The following L3MBTL4 variants were observed in gnomAD, a reference collection of about 807,000 sequenced individuals.
The protein encoded by L3MBTL4 is L3MBTL histone methyl-lysine binding protein 4.
In L3MBTL4, 70 loss-of-function variants were observed where a neutral mutation model predicts 84.5. That is an observed-to-expected ratio of 0.83 (90% CI 0.68 to 1.01). The LOEUF is 1.01. Ranked by LOEUF, L3MBTL4 falls within the 50% of genes least tolerant of loss-of-function variation. The pLI is 0.00. For missense variants in L3MBTL4, 715 were observed against 754.8 expected, an observed-to-expected ratio of 0.95 and a Z score of 0.62; for synonymous variants, 274 against 259.8, an observed-to-expected ratio of 1.05 and a Z score of -0.52.
chr18:6,350,008 C>T (rs946915526), intron 1 of L3MBTL4, among the ~76,000 whole-genome samples: 1 of 152,180 alleles, frequency 6.6e-6, no homozygotes, highest in Non-Finnish European at 1.5e-5. Flanking sequence ...AAAAAGCTTA[C>T]TTAAGTTTGA....
chr18:6,198,901 AG>A, intron 12 of L3MBTL4, among the ~76,000 whole-genome samples: 1 of 152,352 alleles, frequency 6.6e-6, no homozygotes, highest in Non-Finnish European at 1.5e-5. Context: ...AATATATTTT[AG>A]GGTAGAAATA....
intron 15 of L3MBTL4, among the ~76,000 whole-genome samples, chr18:6,086,461 G>A (rs1321513859): frequency 6.6e-6 from 1 of 152,162 alleles, no homozygotes; most frequent in Non-Finnish European, 1.5e-5. Flanking sequence ...ATTTCATAAC[G>A]TTTCAGCATA....
Position 6,217,186 on chromosome 18 carries a change from T to C in L3MBTL4, c.785-1351A>G, listed in dbSNP as rs569794265. Among the ~76,000 whole-genome samples the C allele has an allele frequency of 2.0e-5, 3 of 152,280 alleles. No homozygotes were observed. In the South Asian group the frequency reaches 6.2e-4, roughly 32 times the overall value. On this transcript the variant is annotated intron_variant, in intron 10 of 18. Coordinates refer to ENST00000317931, the MANE Select transcript of L3MBTL4 (RefSeq NM_001330559.2). Reference sequence around the variant, plus strand: ...AATCAAGTGGATAGACTGAACATTTTTCAAAAAACTAGCATACCAGCATAA... The same window carrying C: ...AATCAAGTGGATAGACTGAACATTTCTCAAAAAACTAGCATACCAGCATAA...
intron 16 of L3MBTL4, among the ~76,000 whole-genome samples, chr18:5,989,684 G>A (rs1376370577): frequency 2.6e-5 from 4 of 152,204 alleles, no homozygotes; most frequent in African/African-American, 9.7e-5. Flanking sequence ...CAGAATTGGG[G>A]CAGGGAGGGA....
At chr18:6,170,015 G>T (rs1354079466) in intron 13 of L3MBTL4, among the ~76,000 whole-genome samples, 6 of 152,000 alleles carry the variant, frequency 3.9e-5, no homozygotes, top group Admixed American at 2.6e-4. Flanking sequence ...ATGCTACGGG[G>T]CAGGCAGTTT....
At chr18:6,285,627 G>T (rs949433882) in intron 4 of L3MBTL4, among the ~76,000 whole-genome samples, 68 of 151,842 alleles carry the variant, frequency 4.5e-4, no homozygotes, top group Admixed American at 5.3e-4. Flanking sequence ...CTCCAAAGAT[G>T]TAATTCCCTG....
At chr18:6,378,162 G>A (rs541683532) in intron 1 of L3MBTL4, among the ~76,000 whole-genome samples, 1 of 152,282 alleles carries the variant, frequency 6.6e-6, no homozygotes, top group Admixed American at 6.5e-5. Context: ...TTTGGATGGG[G>A]TTGTTTGTTT....
intron 5 of L3MBTL4, among the ~76,000 whole-genome samples, chr18:6,263,408 C>T (rs2048494631): frequency 6.6e-6 from 1 of 152,012 alleles, no homozygotes; most frequent in Admixed American, 6.6e-5. Flanking sequence ...TAAAGATGAT[C>T]CCCTGTAAGG....
Position 6,018,491 on chromosome 18 carries a change from C to T in L3MBTL4, c.1445-48929G>A, listed in dbSNP as rs1598447417. The stretch of plus-strand genomic sequence containing the variant: ...CTACCCACGGAAAGCCTGGTAGATT[C>T]TAGAATGGCCATTACCACTGACCAT... On this transcript the variant is annotated intron_variant, in intron 16 of 18. Coordinates refer to ENST00000317931, the MANE Select transcript of L3MBTL4 (RefSeq NM_001330559.2). Among the ~76,000 whole-genome samples, 8 of 152,300 alleles carry T rather than the reference C, an allele frequency of 5.3e-5. No individual in the cohort carries two copies. The South Asian group carries it at 1.7e-3, about 32-fold the overall frequency.
chr18:6,030,275 A>G (rs2055725677), intron 16 of L3MBTL4: 1 of 984,994 alleles, frequency 1.0e-6, no homozygotes, highest in Non-Finnish European at 1.2e-6. Flanking sequence ...TACCTGTTGA[A>G]TTTTGCACCA....
intron 3 of L3MBTL4, among the ~76,000 whole-genome samples, chr18:6,310,561 A>C (rs1303055034): frequency 6.6e-6 from 1 of 152,202 alleles, no homozygotes; most frequent in Non-Finnish European, 1.5e-5. Flanking sequence ...GTATTACATG[A>C]TGTCACTTCA....
Position 6,393,077 on chromosome 18 carries a change from TAAA to T in L3MBTL4, c.-91+21721_-91+21723del, listed in dbSNP as rs11293076. ...ACTTGTAACCCAAAAGTGATTGAAA[TAAA>T]AAAAAAAATTTTAACTATAAAGATA... is the stretch of plus-strand genomic sequence containing the variant. On this transcript the variant is annotated intron_variant, in intron 1 of 18. Coordinates refer to ENST00000317931, the MANE Select transcript of L3MBTL4 (RefSeq NM_001330559.2). Among the ~76,000 whole-genome samples, 8 of 151,134 alleles carry T rather than the reference TAAA, an allele frequency of 5.3e-5. No homozygotes were observed. The South Asian group carries it at 1.7e-3, about 32-fold the overall frequency.
In L3MBTL4 at chr18:6,148,923, AT is replaced by A. The variant is rs1271330770; in HGVS notation, c.1097-10628del. On this transcript the variant is annotated intron_variant, in intron 13 of 18. Coordinates refer to ENST00000317931, the MANE Select transcript of L3MBTL4 (RefSeq NM_001330559.2). ...CTATTTCACTAGATAGCCCTGTTCC[AT>A]TTTTTTCATTATTTTTAAGAAATAA... Among the ~76,000 whole-genome samples, 4 of 152,150 alleles carry A rather than the reference AT, an allele frequency of 2.6e-5. No homozygotes were observed. The East Asian group carries it at 7.7e-4, about 29-fold the overall frequency.
At chr18:6,073,665 A>T (rs1341969166) in intron 16 of L3MBTL4, among the ~76,000 whole-genome samples, 1 of 152,220 alleles carries the variant, frequency 6.6e-6, no homozygotes, top group Admixed American at 6.5e-5. Context: ...GTCAGGGGGT[A>T]TAAAATTGAC....
At chr18:6,301,263 G>A (rs2050325789) in intron 4 of L3MBTL4, among the ~76,000 whole-genome samples, 1 of 152,064 alleles carries the variant, frequency 6.6e-6, no homozygotes, top group Non-Finnish European at 1.5e-5. Flanking sequence ...CCTTTCCGTA[G>A]ATAATAACAC....
rs960148972 is a variant in L3MBTL4, at chr18:6,323,217, C to A, written c.-90-11161G>T. ...ATAAATTACCCAGTCTCAGGTATTT[C>A]TTTATAGCAATGCAAGAATGAACTA... is the stretch of plus-strand genomic sequence containing the variant. On this transcript the variant is annotated intron_variant, in intron 1 of 18. Coordinates refer to ENST00000317931, the MANE Select transcript of L3MBTL4 (RefSeq NM_001330559.2). Among the ~76,000 whole-genome samples the A allele has an allele frequency of 2.6e-5, 4 of 151,846 alleles. No homozygotes were observed. The South Asian group carries it at 6.2e-4, about 24-fold the overall frequency.
In L3MBTL4 at chr18:5,958,014, G is replaced by GAGC. The variant is rs141926445; in HGVS notation, c.1678-1628_1678-1627insGCT. 2.3e-5 allele frequency among the ~76,000 whole-genome samples: 3 copies of GAGC among 131,184 alleles called. 1 individual carries two copies. The highest frequency in any genetic ancestry group is 7.7e-5 in the Admixed American group (1 of 12,976). 86.1% of individuals were successfully genotyped at this position (131,184 alleles called of 152,430 possible). A position where few individuals can be genotyped will look rare whatever the true frequency, so the allele number is the denominator to read the frequency against. ...AAAAAGAAGGAAGGAGAAGGAGGAG[G>GAGC]AGGAGAAGGAGAAAGAGGAGGAGGA... On this transcript the variant is annotated intron_variant, in intron 18 of 18. Transcript: ENST00000317931.
intron 16 of L3MBTL4, among the ~76,000 whole-genome samples, chr18:6,073,212 C>T (rs1213795945): frequency 2.6e-5 from 4 of 151,166 alleles, no homozygotes; most frequent in Admixed American, 2.0e-4. Context: ...CGCACAAGCA[C>T]ATAAACATCA....
chr18:6,317,152 A>G (rs547630356), intron 1 of L3MBTL4, among the ~76,000 whole-genome samples: 11 of 152,300 alleles, frequency 7.2e-5, no homozygotes, highest in African/African-American at 2.6e-4. Context: ...GGAAAGCCAC[A>G]ATACAAAGAT....
Sources: gnomAD v4.1 joint callset for allele counts (sites outside exome capture counted in the v4.1 genomes callset) on GRCh38, gnomAD v4.1.1 for gene constraint, MANE v1.5 for transcripts, NCBI Gene and HGNC (gene_info 2026-07-23, HGNC 2026-07-21) for gene names.